Variants in PRDM16 observed in about 807,000 individuals in gnomAD.
The protein encoded by PRDM16 is PR/SET domain 16.
Under a neutral mutation model 110.6 loss-of-function variants are expected in PRDM16, and 23 were observed. The observed-to-expected ratio is 0.21, with a 90% CI of 0.15 to 0.29. The LOEUF (loss-of-function observed/expected upper bound fraction) is 0.29. Among genes scored for constraint, PRDM16 ranks in the 10% least tolerant of loss-of-function variants. The pLI, the probability that PRDM16 is intolerant of heterozygous loss-of-function variation, is 1.00. For missense variants in PRDM16, 1,615 were observed against 1,794.3 expected, an observed-to-expected ratio of 0.90 and a Z score of 1.81; for synonymous variants, 799 against 781.8, an observed-to-expected ratio of 1.02 and a Z score of -0.37.
chr1:3,095,035 C>T (rs1333037410), intron 1 of PRDM16, among the ~76,000 whole-genome samples: 3 of 152,230 alleles, frequency 2.0e-5, no homozygotes, highest in East Asian at 1.9e-4. Flanking sequence ...TTGCCCTGGC[C>T]TACTCCCCGG....
At chr1:3,183,910 C>T (rs1055742623) in intron 1 of PRDM16, among the ~76,000 whole-genome samples, 19 of 152,154 alleles carry the variant, frequency 1.2e-4, no homozygotes, top group Non-Finnish European at 2.1e-4. Context: ...AGGAGCGCGT[C>T]GAGGGGGCTT....
At chr1:3,100,162 TCCTC>T (rs1642498375) in intron 1 of PRDM16, among the ~76,000 whole-genome samples, 1 of 152,022 alleles carries the variant, frequency 6.6e-6, no homozygotes, top group Non-Finnish European at 1.5e-5. Flanking sequence ...CCTTTGGTCT[TCCTC>T]CCTGGCTGGA....
intron 1 of PRDM16, among the ~76,000 whole-genome samples, chr1:3,077,568 C>A (rs1008255770): frequency 6.6e-6 from 1 of 152,190 alleles, no homozygotes; most frequent in African/African-American, 2.4e-5. Context: ...GGTGCTTTTT[C>A]CTGGAATTTG....
chr1:3,270,119 A>T (rs1640404184), intron 3 of PRDM16, among the ~76,000 whole-genome samples: 1 of 150,696 alleles, frequency 6.6e-6, no homozygotes, highest in South Asian at 2.1e-4. Flanking sequence ...GTCGGAGAGG[A>T]GGACAGTCGG....
chr1:3,110,822 C>T (rs1053436972), intron 1 of PRDM16, among the ~76,000 whole-genome samples: 8 of 152,104 alleles, frequency 5.3e-5, no homozygotes, highest in Non-Finnish European at 7.4e-5. Flanking sequence ...ATGGAGGCCA[C>T]GTGTGAGGGG....
At chr1:3,109,959 C>T (rs1642747031) in intron 1 of PRDM16, among the ~76,000 whole-genome samples, 1 of 151,548 alleles carries the variant, frequency 6.6e-6, no homozygotes, top group African/African-American at 2.4e-5. Flanking sequence ...CCCCTATGTC[C>T]TGGGTGTGGG....
intron 8 of PRDM16, among the ~76,000 whole-genome samples, chr1:3,409,791 TGG>T (rs1253314677): frequency 7.4e-6 from 1 of 135,344 alleles, no homozygotes; most frequent in Non-Finnish European, 1.6e-5. Context: ...GTGTGTGGTG[TGG>T]GTGTGTGTGG....
chr1:3,238,644 T>C lies in PRDM16; in HGVS notation c.388-5443T>C, dbSNP rs944408769. Among the ~76,000 whole-genome samples, 23 of 152,330 alleles carry C rather than the reference T, an allele frequency of 1.5e-4. No homozygotes were observed. In the East Asian group the frequency reaches 4.4e-3, roughly 29 times the overall value. ...GCGACTAACCGCCTTTCACGGTTCT[T>C]GCGGGAGCTGCCAACGGGAAGCCGC... On this transcript the variant is annotated intron_variant, in intron 2 of 16. Transcript: ENST00000270722.
chr1:3,116,796 C>A lies in PRDM16; in HGVS notation c.37+47500C>A, dbSNP rs1300047802. Reference sequence around the variant, plus strand: ...GGCCTAGCTGCTCCATGGCTCTGGCCCCGCTGGTGACTTGGTGGAGGGCTT... The same window carrying A: ...GGCCTAGCTGCTCCATGGCTCTGGCACCGCTGGTGACTTGGTGGAGGGCTT... On this transcript the variant is annotated intron_variant, in intron 1 of 16. Transcript: ENST00000270722. Among the ~76,000 whole-genome samples the A allele has an allele frequency of 2.0e-5, 3 of 152,224 alleles. No homozygotes were observed. In the East Asian group the frequency reaches 5.8e-4, roughly 29 times the overall value.
intron 3 of PRDM16, among the ~76,000 whole-genome samples, chr1:3,267,742 G>T (rs907898635): frequency 2.6e-5 from 4 of 152,164 alleles, no homozygotes; most frequent in African/African-American, 9.7e-5. Context: ...TGAGCAGAGC[G>T]CCAGCCTCTC....
chr1:3,326,316 C>G (rs1223156632), intron 3 of PRDM16, among the ~76,000 whole-genome samples: 1 of 152,268 alleles, frequency 6.6e-6, no homozygotes, highest in Admixed American at 6.5e-5. Flanking sequence ...CTTCCTTGTT[C>G]AGAGCCCATC....
At chr1:3,278,613 G>A (rs184780038) in intron 3 of PRDM16, among the ~76,000 whole-genome samples, 3 of 152,318 alleles carry the variant, frequency 2.0e-5, no homozygotes, top group South Asian at 2.1e-4. Context: ...CCTGCTGCCC[G>A]GCGGGGCCTG....
intron 12 of PRDM16, among the ~76,000 whole-genome samples, chr1:3,419,625 G>A (rs1474624401): frequency 6.6e-6 from 1 of 152,174 alleles, no homozygotes; most frequent in South Asian, 2.1e-4. Flanking sequence ...GGCCATTGGG[G>A]ATAAAGAGTG....
chr1:3,137,424 C>T (rs1446555885), intron 1 of PRDM16, among the ~76,000 whole-genome samples: 3 of 152,194 alleles, frequency 2.0e-5, no homozygotes, highest in Non-Finnish European at 4.4e-5. Flanking sequence ...TGGTGGCTGC[C>T]AGGGGACACG....
At chr1:3,166,450 C>A (rs754710310) in intron 1 of PRDM16, among the ~76,000 whole-genome samples, 16 of 152,370 alleles carry the variant, frequency 1.1e-4, no homozygotes, top group African/African-American at 3.6e-4. Flanking sequence ...GAGGCTCACA[C>A]GTGCTGCCAG....
intron 1 of PRDM16, among the ~76,000 whole-genome samples, chr1:3,184,951 G>A (rs1056872885): frequency 1.2e-4 from 18 of 152,170 alleles, no homozygotes; most frequent in African/African-American, 4.3e-4. Flanking sequence ...AGTGCCGCAT[G>A]TCCCAGGCTG....
At chr1:3,430,598 T>C (rs1298328412) in intron 14 of PRDM16, among the ~76,000 whole-genome samples, 2 of 152,046 alleles carry the variant, frequency 1.3e-5, no homozygotes, top group Non-Finnish European at 2.9e-5. Flanking sequence ...GGCCCTGGTG[T>C]CCTCCCGGCC....
At chr1:3,305,833 C>A (rs1641300544) in intron 3 of PRDM16, among the ~76,000 whole-genome samples, 1 of 152,246 alleles carries the variant, frequency 6.6e-6, no homozygotes, top group Admixed American at 6.5e-5. Context: ...GAAGGGAACC[C>A]TTCCGGGTGA....
Position 3,326,160 on chromosome 1 carries a change from C to T in PRDM16, c.439-58992C>T, listed in dbSNP as rs535051716. Among the ~76,000 whole-genome samples the T allele has an allele frequency of 9.6e-4, 144 of 149,572 alleles. 1 individual carries two copies. The highest frequency in any genetic ancestry group is 3.3e-3 in the African/African-American group (132 of 39,522). On this transcript the variant is annotated intron_variant, in intron 3 of 16. Transcript: ENST00000270722. ...ACCATCCTTGGCCCTCGTTGGCCAT[C>T]CTCGACCATCCTTGGCCCTCCTTGG...
Sources: allele counts gnomAD v4.1 joint callset (sites outside exome capture counted in the v4.1 genomes callset), GRCh38; gene constraint gnomAD v4.1.1; transcripts MANE v1.5; gene names NCBI Gene and HGNC (gene_info 2026-07-23, HGNC 2026-07-21).